RRM2: variants seen among roughly 807,000 people sequenced by gnomAD.
The protein encoded by RRM2 is ribonucleoside-diphosphate reductase subunit M2.
In RRM2, 6 loss-of-function variants were observed where a neutral mutation model predicts 45.9. That is an observed-to-expected ratio of 0.13 (90% CI 0.07 to 0.26). The LOEUF (loss-of-function observed/expected upper bound fraction) is 0.26, where lower values mean the gene tolerates loss of function less well. Ranked by LOEUF, RRM2 falls within the 10% of genes least tolerant of loss-of-function variation. The pLI, the probability that RRM2 is intolerant of heterozygous loss-of-function variation, is 1.00. For synonymous variants in RRM2, 177 were observed against 173.0 expected (o/e 1.02, Z -0.18); for missense variants, 343 against 489.5 (o/e 0.70, Z 2.82).
intron 3 of RRM2, among the ~76,000 whole-genome samples, chr2:10,178,233 T>G (rs1334566938): frequency 6.7e-6 from 1 of 150,310 alleles, no homozygotes; most frequent in Non-Finnish European, 1.5e-5. Flanking sequence ...CTTTTTTTTT[T>G]TTTTTTTAAT....
chr2:10,135,954 G>A (rs1662983103), downstream of RRM2, among the ~76,000 whole-genome samples: 1 of 152,064 alleles, frequency 6.6e-6, no homozygotes, highest in Non-Finnish European at 1.5e-5. Context: ...TATTCTCTTA[G>A]TCATGTGTTT....
upstream of RRM2, among the ~76,000 whole-genome samples, chr2:10,138,159 C>G (rs1389501348): frequency 7.4e-6 from 1 of 134,954 alleles, no homozygotes; most frequent in Non-Finnish European, 1.6e-5. Context: ...TGCCATCATG[C>G]CCGGCTAATT....
intron 3 of RRM2, among the ~76,000 whole-genome samples, chr2:10,209,307 C>G (rs1299903199): frequency 6.6e-6 from 1 of 152,094 alleles, no homozygotes; most frequent in Non-Finnish European, 1.5e-5. Context: ...ATCCACTGAT[C>G]TTGGCCTCCC....
At chr2:10,174,851 A>G (rs1363514943) in intron 3 of RRM2, among the ~76,000 whole-genome samples, 3 of 148,628 alleles carry the variant, frequency 2.0e-5, no homozygotes, top group Non-Finnish European at 4.5e-5. Flanking sequence ...TGGGTGACAG[A>G]GTGAGACTCA....
At chr2:10,187,113 G>T (rs554756202) in intron 3 of RRM2, among the ~76,000 whole-genome samples, 1 of 152,232 alleles carries the variant, frequency 6.6e-6, no homozygotes, top group Admixed American at 6.5e-5. Flanking sequence ...GTTTCCTGCC[G>T]GAGTGCTGGT....
chr2:10,160,929 G>A (rs1354535644), intron 3 of RRM2, among the ~76,000 whole-genome samples: 1 of 151,944 alleles, frequency 6.6e-6, no homozygotes, highest in Non-Finnish European at 1.5e-5. Flanking sequence ...CTGGCCCTGA[G>A]ACCCCCAGCC....
In RRM2 at chr2:10,169,239, C is replaced by A. The variant is rs1050677927; in HGVS notation, n.482+26864C>A. ...TCAATCCTCCTGCCTCAGCCTCCCA[C>A]AGTGCTGGGATTACAGGTGTGCGCC... On this transcript the variant is annotated intron_variant and non_coding_transcript_variant, in intron 3 of 3. Coordinates refer to the RRM2 transcript ENST00000381786. This position sits in a 1 kb window ranked among gnomAD's most constrained non-coding sequence, Gnocchi z 5.1. Among the ~76,000 whole-genome samples, 3 of 151,646 alleles carry A rather than the reference C, an allele frequency of 2.0e-5. No individual in the cohort carries two copies. The highest frequency in any genetic ancestry group is 7.3e-5 in the African/African-American group (3 of 41,252).
chr2:10,186,740 G>A (rs1009682552), intron 3 of RRM2, among the ~76,000 whole-genome samples: 4 of 152,224 alleles, frequency 2.6e-5, no homozygotes, highest in Admixed American at 6.5e-5. Flanking sequence ...AGTGCTCAGC[G>A]AACTTACTTA....
intron 3 of RRM2, among the ~76,000 whole-genome samples, chr2:10,150,380 G>A (rs1663281156): frequency 6.6e-6 from 1 of 150,592 alleles, no homozygotes; most frequent in Non-Finnish European, 1.5e-5. Flanking sequence ...CTGGGAGGTG[G>A]AAGTTGCAGT....
intron 5 of RRM2, 148 bp downstream of exon 5, chr2:10,124,998 T>C: frequency 1.5e-6 from 1 of 646,652 alleles, no homozygotes; most frequent in Non-Finnish European, 2.6e-6. Context: ...TGTCTGCTCT[T>C]AGCAAGGGGC....
chr2:10,191,564 C>G (rs772105363), intron 3 of RRM2, among the ~76,000 whole-genome samples: 2 of 152,152 alleles, frequency 1.3e-5, no homozygotes, highest in Non-Finnish European at 2.9e-5. Context: ...GGAGGTACCG[C>G]TGCCCACAAA....
intron 3 of RRM2, among the ~76,000 whole-genome samples, chr2:10,208,969 C>G (rs937948000): frequency 1.3e-5 from 2 of 152,178 alleles, no homozygotes; most frequent in African/African-American, 4.8e-5. Context: ...CCTGTTCAGA[C>G]CTGTCCTGTC....
chr2:10,188,156 G>A (rs376402144), intron 3 of RRM2, among the ~76,000 whole-genome samples: 2 of 152,192 alleles, frequency 1.3e-5, no homozygotes, highest in African/African-American at 4.8e-5. Flanking sequence ...TCCCACTTTG[G>A]GTGAGTATGA....
intron 1 of RRM2, chr2:10,141,682 C>A (rs900609440): frequency 8.7e-6 from 8 of 918,364 alleles, no homozygotes; most frequent in African/African-American, 1.7e-5. Flanking sequence ...GGAAGGAGGG[C>A]AAGAGACCTC....
chr2:10,178,332 C>T (rs1353496246), intron 3 of RRM2, among the ~76,000 whole-genome samples: 1 of 151,894 alleles, frequency 6.6e-6, no homozygotes, highest in Non-Finnish European at 1.5e-5. Context: ...AAGCAATTCT[C>T]CCGCCTCAGC....
At chr2:10,178,619 G>A (rs1663981416) in intron 3 of RRM2, among the ~76,000 whole-genome samples, 1 of 152,154 alleles carries the variant, frequency 6.6e-6, no homozygotes, top group Non-Finnish European at 1.5e-5. Flanking sequence ...CATAAGAATG[G>A]TCTGTACATG....
intron 3 of RRM2, among the ~76,000 whole-genome samples, chr2:10,168,223 G>A (rs995534677): frequency 1.3e-5 from 2 of 151,792 alleles, no homozygotes; most frequent in Non-Finnish European, 2.9e-5. Context: ...CTGCAGAATC[G>A]CATCACAGTG....
chr2:10,123,868 A>T lies in RRM2; in HGVS notation c.435+16A>T, dbSNP rs1662723228. ...TGAAAACTTGGTGAGTTTCCAAAACATCTTTCATTCATTTGACGTTGACGA... is the reference window on the plus strand; with the variant it reads ...TGAAAACTTGGTGAGTTTCCAAAACTTCTTTCATTCATTTGACGTTGACGA... On this transcript the variant is annotated intron_variant, in intron 4 of 9. Coordinates refer to ENST00000304567, the MANE Select transcript of RRM2 (RefSeq NM_001034.4). 8.0e-6 allele frequency: 11 copies of T among 1,367,738 alleles called. No homozygotes were observed. The highest frequency in any genetic ancestry group is 1.0e-5 in the Non-Finnish European group (10 of 956,646). The allele number at this position is 1,367,738 out of a possible 1,614,324, so 84.7% of individuals were successfully genotyped here.
rs184696222 is a variant in RRM2 at position 10,210,631 on chromosome 2, G to A, written n.803G>A. The stretch of plus-strand genomic sequence containing the variant: ...TCTGCTGCTTTCAATCACACCCACT[G>A]CCTCTCATGCCGGAGTGGGGGAAAT... On this transcript the variant is annotated non_coding_transcript_exon_variant, in exon 4 of 4. Coordinates refer to the RRM2 transcript ENST00000381786. 4.3e-4 allele frequency: 585 copies of A among 1,351,098 alleles called. 1 individual carries two copies. The highest frequency in any genetic ancestry group is 3.3e-3 in the African/African-American group (219 of 67,352). 83.7% of individuals were successfully genotyped at this position (1,351,098 alleles called of 1,614,324 possible). A position where few individuals can be genotyped will look rare whatever the true frequency, so the allele number is the denominator to read the frequency against.
Sources: gnomAD v4.1 joint callset for allele counts (sites outside exome capture counted in the v4.1 genomes callset) on GRCh38, gnomAD v4.1.1 for gene constraint, Gnocchi (gnomAD v3.1) non-coding constraint, MANE v1.5 for transcripts, NCBI Gene and HGNC (gene_info 2026-07-23, HGNC 2026-07-21) for gene names.